Variants in GPSM1 observed in about 807,000 individuals in gnomAD.
GPSM1 encodes the protein G protein signaling modulator 1.
Under a neutral mutation model 70.5 loss-of-function variants are expected in GPSM1, and 48 were observed. That is an observed-to-expected ratio of 0.68 (90% CI 0.54 to 0.87). The LOEUF is 0.87. Ranked by LOEUF, GPSM1 falls within the 40% of genes least tolerant of loss-of-function variation. The pLI is 0.00. For synonymous variants in GPSM1, 416 were observed against 430.1 expected, an observed-to-expected ratio of 0.97 and a Z score of 0.41; for missense variants, 981 against 972.6, an observed-to-expected ratio of 1.01 and a Z score of -0.11.
intron 9 of GPSM1, among the ~76,000 whole-genome samples, chr9:136,345,365 G>A (rs1832497828): frequency 6.6e-6 from 1 of 152,226 alleles, no homozygotes; most frequent in Non-Finnish European, 1.5e-5. Context: ...GGCCTGTCTG[G>A]GCAGCTCAGC....
intron 11 of GPSM1, chr9:136,354,695 G>T (rs1832765272): frequency 2.4e-6 from 1 of 413,216 alleles, no homozygotes; most frequent in Non-Finnish European, 3.2e-6. Context: ...TGGGCCCCTT[G>T]GGGGGCCACA....
In GPSM1 at chr9:136,358,076, G is replaced by A; in HGVS notation, c.1884G>A (p.Met628Ile). ...ACGTACTGCCCCGGGGCCCTACCAT[G>A]CCGGACGAGGACTTCTTCAGCCTCA... ...PPDVLPRGPT[M>I]PDEDFFSLIQ... The change falls in exon 14 of 14, where the codon ATG becomes ATA. Residue 628 changes from methionine (M) to isoleucine (I), a missense_variant. Met to Ile is a conservative substitution (Grantham distance 10, BLOSUM62 1). Transcript: ENST00000440944. 2 of 1,612,716 alleles carry A rather than the reference G, an allele frequency of 1.2e-6. No homozygotes were observed. Among genetic ancestry groups the A allele is most frequent in the South Asian group, 1.1e-5 (1 of 91,078 alleles).
chr9:136,329,968 G>T (rs1321905906), intron 1 of GPSM1, among the ~76,000 whole-genome samples: 3 of 150,362 alleles, frequency 2.0e-5, no homozygotes, highest in Non-Finnish European at 4.4e-5. Context: ...TTGGGTTCTG[G>T]GTCAGTGGGG....
At chr9:136,333,224 A>G (rs1297449909) in intron 1 of GPSM1, among the ~76,000 whole-genome samples, 1 of 152,024 alleles carries the variant, frequency 6.6e-6, no homozygotes, top group Non-Finnish European at 1.5e-5. Context: ...CTCCGGGGGC[A>G]CCCTGCAGAT....
chr9:136,331,628 G>A (rs1198575717), intron 1 of GPSM1, among the ~76,000 whole-genome samples: 1 of 152,230 alleles, frequency 6.6e-6, no homozygotes, highest in African/African-American at 2.4e-5. Flanking sequence ...TCCCGAGTGA[G>A]CCCGGTCCTG....
At chr9:136,332,422 T>C (rs28453790) in intron 1 of GPSM1, among the ~76,000 whole-genome samples, 78,209 of 152,158 alleles carry the variant, frequency 0.51, 20,670 homozygotes, top group Middle Eastern at 0.61. Flanking sequence ...CGTCTCCGGC[T>C]GGAAGGGAGG....
At chr9:136,349,854 A>G (rs1554771797) in intron 11 of GPSM1, 91 bp downstream of exon 11, 3 of 1,271,598 alleles carry the variant, frequency 2.4e-6, no homozygotes, top group Non-Finnish European at 3.2e-6. Context: ...GGGCCAGGTC[A>G]GGCCCGGGCA....
rs1302805336 is a variant in GPSM1, at chr9:136,358,162, A to T, written c.1970A>T (p.Glu657Val). Residue 657 changes from glutamate (E) to valine (V), a missense_variant, in exon 14 of 14, where the codon GAG (glutamate) becomes GTG (valine). Transcript: ENST00000440944. ...CGGGTGGACCTCGCCGGGGGCCCGG[A>T]GCAGGGGGCAGGCGGCCCGCCCGAG... is the stretch of plus-strand genomic sequence containing the variant. ...EQRVDLAGGP[E>V]QGAGGPPEPQ... 6.3e-7 allele frequency: 1 copy of T among 1,592,216 alleles called. No homozygotes were observed. Among genetic ancestry groups the T allele is most frequent in the Admixed American group, 1.7e-5 (1 of 57,260 alleles).
chr9:136,345,447 C>G (rs1398351791), intron 9 of GPSM1, among the ~76,000 whole-genome samples: 1 of 152,148 alleles, frequency 6.6e-6, no homozygotes, highest in Non-Finnish European at 1.5e-5. Context: ...CCAGGCGCAG[C>G]GGGCCTTCCG....
At chr9:136,327,870 C>A in intron 1 of GPSM1, 107 bp downstream of exon 1, 1 of 325,492 alleles carries the variant, frequency 3.1e-6, no homozygotes, top group Non-Finnish European at 4.9e-6. Flanking sequence ...CTCGCGGGCG[C>A]GCAGCGTGGC....
intron 11 of GPSM1, among the ~76,000 whole-genome samples, chr9:136,350,866 G>A (rs1042160289): frequency 2.0e-5 from 3 of 152,184 alleles, no homozygotes; most frequent in Non-Finnish European, 2.9e-5. Context: ...GTGGACGGAC[G>A]GGGGACAGAC....
At chr9:136,347,060 G>A (rs1289462510) in intron 9 of GPSM1, among the ~76,000 whole-genome samples, 3 of 152,102 alleles carry the variant, frequency 2.0e-5, no homozygotes, top group Non-Finnish European at 2.9e-5. Flanking sequence ...ACAGGGTAAG[G>A]GGGTGTCTGG....
intron 3 of GPSM1, among the ~76,000 whole-genome samples, 155 bp from the exon 4 acceptor site, chr9:136,336,742 TGGCTTCCCGGGTGTGCCGTCCTCA>T (rs1175096109): frequency 6.6e-6 from 1 of 152,110 alleles, no homozygotes; most frequent in Admixed American, 6.5e-5. Context: ...GGGCGGAGGC[TGGCTTCCCGGGTGTGCCGTCCTCA>T]GGCTTCCGCC....
intron 11 of GPSM1, among the ~76,000 whole-genome samples, chr9:136,351,369 C>T (rs1832658107): frequency 6.6e-6 from 1 of 152,104 alleles, no homozygotes; most frequent in Admixed American, 6.5e-5. Context: ...GACTGGGACC[C>T]AGACACCTGC....
chr9:136,348,400 T>C (rs564574752), intron 9 of GPSM1, among the ~76,000 whole-genome samples: 6 of 152,102 alleles, frequency 3.9e-5, no homozygotes, highest in Admixed American at 2.0e-4. Context: ...AGGCCCTGTG[T>C]GCGGCAGGGG....
chr9:136,358,508 C>A lies in GPSM1; in HGVS notation c.*288C>A, dbSNP rs1386937991. The A allele has an allele frequency of 1.9e-6, 1 of 535,890 alleles. No homozygotes were observed. Among genetic ancestry groups the A allele is most frequent in the African/African-American group, 2.0e-5 (1 of 49,404 alleles). The allele number at this position is 535,890 out of a possible 1,614,324, so 33.2% of individuals were successfully genotyped here. A position where few individuals can be genotyped will look rare whatever the true frequency, so the allele number is the denominator to read the frequency against. Reference sequence around the variant, plus strand: ...CCGACCTGGTGCTGTCAGACTCCCGCATCCTCTCCCCCAAGCCCTTCCCGT... The same window carrying A: ...CCGACCTGGTGCTGTCAGACTCCCGAATCCTCTCCCCCAAGCCCTTCCCGT... On this transcript the variant is annotated 3_prime_UTR_variant, in exon 14 of 14. Coordinates refer to ENST00000440944, the MANE Select transcript of GPSM1 (RefSeq NM_001145638.3).
intron 6 of GPSM1, 101 bp from the exon 7 acceptor site, chr9:136,338,454 C>A: frequency 8.6e-7 from 1 of 1,168,172 alleles, no homozygotes; most frequent in Non-Finnish European, 1.2e-6. Context: ...CAGTGGGATT[C>A]CGGGGCAGGG....
rs111451417 is a variant in GPSM1, at chr9:136,337,171, G to A, written c.578+99G>A. Reference sequence around the variant, plus strand: ...CCCCGACCCCAGCCCCATACCTCCCGACAGCTCCCAGGGCAGTGACGGCCA... The same window carrying A: ...CCCCGACCCCAGCCCCATACCTCCCAACAGCTCCCAGGGCAGTGACGGCCA... On this transcript the variant is annotated intron_variant, in intron 4 of 13. Transcript: ENST00000440944. 173 of 1,187,146 alleles carry A rather than the reference G, an allele frequency of 1.5e-4. No homozygotes were observed. In the African/African-American group the frequency reaches 2.0e-3, roughly 14 times the overall value. 73.5% of individuals were successfully genotyped at this position (1,187,146 alleles called of 1,614,324 possible). A position where few individuals can be genotyped will look rare whatever the true frequency, so the allele number is the denominator to read the frequency against.
chr9:136,329,191 C>T (rs570957529), intron 1 of GPSM1, among the ~76,000 whole-genome samples: 41 of 152,180 alleles, frequency 2.7e-4, no homozygotes, highest in Non-Finnish European at 5.9e-4. Flanking sequence ...CAGACCCAGC[C>T]TTGCATCCCC....
Sources: gnomAD v4.1 joint callset for allele counts (sites outside exome capture counted in the v4.1 genomes callset) on GRCh38, gnomAD v4.1.1 for gene constraint, MANE v1.5 for transcripts, NCBI Gene and HGNC (gene_info 2026-07-23, HGNC 2026-07-21) for gene names.